Variants in SRPK2 observed in about 807,000 individuals in gnomAD.
SRPK2 encodes the protein SFRS protein kinase 2.
A neutral mutation model predicts 90.8 loss-of-function variants in SRPK2; 21 were observed. The ratio of observed to expected loss-of-function variants is 0.23; its 90% CI spans 0.16 to 0.33. The LOEUF is 0.33. Among genes scored for constraint, SRPK2 ranks in the 10% least tolerant of loss-of-function variants. SRPK2 has a pLI of 1.00. For synonymous variants in SRPK2, 288 were observed against 311.1 expected, an observed-to-expected ratio of 0.93 and a Z score of 0.78; for missense variants, 620 against 869.0, an observed-to-expected ratio of 0.71 and a Z score of 3.60.
At chr7:105,171,015 G>GAGGA (rs5886349) in intron 3 of SRPK2, among the ~76,000 whole-genome samples, 41,430 of 107,548 alleles carry the variant, frequency 0.39, 11,643 homozygotes, top group Non-Finnish European at 0.53. Context: ...GAAAGAAAGA[G>GAGGA]AGGAAGGAAG....
chr7:105,218,013 G>C (rs1797667339), intron 2 of SRPK2, among the ~76,000 whole-genome samples: 1 of 152,130 alleles, frequency 6.6e-6, no homozygotes, highest in Non-Finnish European at 1.5e-5. Flanking sequence ...AAATTGAAGA[G>C]GCCTATGACG....
At chr7:105,315,075 G>C (rs549148070) in intron 2 of SRPK2, among the ~76,000 whole-genome samples, 2 of 152,134 alleles carry the variant, frequency 1.3e-5, no homozygotes, top group Admixed American at 1.3e-4. Flanking sequence ...ACAGGAGTTC[G>C]AGACCAGCCT....
chr7:105,152,490 ATT>A (rs760452481), intron 7 of SRPK2, among the ~76,000 whole-genome samples: 4 of 152,092 alleles, frequency 2.6e-5, no homozygotes, highest in Admixed American at 6.5e-5. Flanking sequence ...CAAAAATAAC[ATT>A]TGTCTTTCCA....
intron 2 of SRPK2, among the ~76,000 whole-genome samples, chr7:105,327,831 C>T (rs897266446): frequency 2.0e-5 from 3 of 152,232 alleles, no homozygotes; most frequent in Non-Finnish European, 2.9e-5. Context: ...GACGGAGTCT[C>T]GCTCTGTCAC....
intron 2 of SRPK2, among the ~76,000 whole-genome samples, chr7:105,255,940 AGAG>A (rs757049533): frequency 0.052 from 7,681 of 148,714 alleles, 263 homozygotes; most frequent in Middle Eastern, 0.1. Flanking sequence ...AAAAAAAAAA[AGAG>A]AGAGAGCGAG....
chr7:105,295,582 G>A (rs758380930), intron 2 of SRPK2, among the ~76,000 whole-genome samples: 1 of 152,132 alleles, frequency 6.6e-6, no homozygotes, highest in South Asian at 2.1e-4. Flanking sequence ...AAATTTCATT[G>A]ACAAAAGGTA....
intron 2 of SRPK2, among the ~76,000 whole-genome samples, chr7:105,358,000 G>T (rs988890122): frequency 1.1e-4 from 16 of 151,910 alleles, no homozygotes; most frequent in African/African-American, 3.4e-4. Context: ...TGAGGTGGGT[G>T]GATCACAAAG....
chr7:105,376,842 A>T (rs28432056), intron 2 of SRPK2, among the ~76,000 whole-genome samples: 11 of 35,156 alleles, frequency 3.1e-4, no homozygotes, highest in East Asian at 2.2e-3. Context: ...CCGCCCCCCC[A>T]CCCCCCTTTT....
At chr7:105,244,897 G>A in intron 2 of SRPK2, 3 of 1,463,762 alleles carry the variant, frequency 2.0e-6, no homozygotes, top group Non-Finnish European at 2.9e-6. Flanking sequence ...GCGCACATCC[G>A]CGCCAAGAGG....
intron 2 of SRPK2, among the ~76,000 whole-genome samples, chr7:105,352,052 G>C: frequency 6.6e-6 from 1 of 152,204 alleles, no homozygotes; most frequent in African/African-American, 2.4e-5. Context: ...GAAAATAAGA[G>C]ATTCAGGAAG....
chr7:105,310,068 G>A (rs1811541840), intron 2 of SRPK2, among the ~76,000 whole-genome samples: 1 of 152,162 alleles, frequency 6.6e-6, no homozygotes, highest in Non-Finnish European at 1.5e-5. Flanking sequence ...GTCCTAGTAG[G>A]TCTAAGCCAA....
chr7:105,389,391 C>T (rs951079084), upstream of SRPK2: 14 of 1,248,272 alleles, frequency 1.1e-5, no homozygotes, highest in African/African-American at 1.1e-4. Context: ...TCCTCCTCTC[C>T]GGCAGGCGTG....
At chr7:105,308,834 G>T (rs996784955) in intron 2 of SRPK2, among the ~76,000 whole-genome samples, 3 of 152,098 alleles carry the variant, frequency 2.0e-5, no homozygotes, top group Admixed American at 1.3e-4. Flanking sequence ...AAAACTCCAC[G>T]AAAACTAAAC....
At chr7:105,319,229 T>C (rs1025465158) in intron 2 of SRPK2, among the ~76,000 whole-genome samples, 1 of 152,136 alleles carries the variant, frequency 6.6e-6, no homozygotes, top group Non-Finnish European at 1.5e-5. Context: ...AATCACAGTT[T>C]TTCATCACTG....
At chr7:105,158,571 A>T (rs1806914990) in intron 7 of SRPK2, among the ~76,000 whole-genome samples, 1 of 152,128 alleles carries the variant, frequency 6.6e-6, no homozygotes, top group Non-Finnish European at 1.5e-5. Context: ...CTTCTTACAC[A>T]CTAAGCCTAA....
chr7:105,369,768 C>T (rs1007440387), intron 2 of SRPK2, among the ~76,000 whole-genome samples: 2 of 152,174 alleles, frequency 1.3e-5, no homozygotes, highest in South Asian at 4.1e-4. Flanking sequence ...TGGCTCACCC[C>T]TGTAATCCCA....
At chr7:105,263,836 T>C (rs1310046145) in intron 2 of SRPK2, among the ~76,000 whole-genome samples, 1 of 152,214 alleles carries the variant, frequency 6.6e-6, no homozygotes, top group African/African-American at 2.4e-5. Context: ...TCCATATACG[T>C]ATCTTCAATG....
intron 2 of SRPK2, among the ~76,000 whole-genome samples, chr7:105,374,667 C>T (rs1820086255): frequency 6.6e-6 from 1 of 152,118 alleles, no homozygotes; most frequent in African/African-American, 2.4e-5. Flanking sequence ...TGCAATGGCG[C>T]CATCTCTGGC....
Position 105,301,955 on chromosome 7 carries a change from G to T in SRPK2, c.71+86693C>A, listed in dbSNP as rs1464490332. ...ATCAAGTAAGAAAAAAGACAAAAAA[G>T]AATAACTTTCAAAAGCCCAGAAGCG... On this transcript the variant is annotated intron_variant, in intron 2 of 15. Coordinates refer to ENST00000393651, the MANE Select transcript of SRPK2 (RefSeq NM_182692.3). 9 of 1,609,108 alleles carry T rather than the reference G, an allele frequency of 5.6e-6. No individual in the cohort carries two copies. The Admixed American group carries it at 1.0e-4, about 18-fold the overall frequency.
Sources: allele counts gnomAD v4.1 joint callset (sites outside exome capture counted in the v4.1 genomes callset), GRCh38; gene constraint gnomAD v4.1.1; transcripts MANE v1.5; gene names NCBI Gene and HGNC (gene_info 2026-07-23, HGNC 2026-07-21).